Variants in GKAP1 observed in about 807,000 individuals in gnomAD.
The protein encoded by GKAP1 is G kinase anchoring protein 1.
In GKAP1, 31 loss-of-function variants were observed where a neutral mutation model predicts 56.7. That is an observed-to-expected ratio of 0.55 (90% CI 0.41 to 0.74). The LOEUF (loss-of-function observed/expected upper bound fraction) is 0.74, where lower values mean the gene tolerates loss of function less well. Among genes scored for constraint, GKAP1 ranks in the 30% least tolerant of loss-of-function variants. The probability of loss-of-function intolerance (pLI) is 0.00; values close to 1 mark genes in which losing one functional copy is unlikely to be tolerated. For missense variants in GKAP1, 364 were observed against 402.3 expected, an observed-to-expected ratio of 0.90 and a Z score of 0.82; for synonymous variants, 151 against 138.6, an observed-to-expected ratio of 1.09 and a Z score of -0.63.
intron 6 of GKAP1, 149 bp from the exon 7 acceptor site, chr9:83,780,553 C>T (rs1176051622): frequency 2.0e-6 from 1 of 493,438 alleles, no homozygotes; most frequent in Admixed American, 4.2e-5. Context: ...CTAGGATTCT[C>T]ATCTGATTTA....
intron 8 of GKAP1, among the ~76,000 whole-genome samples, chr9:83,760,809 C>G (rs1325835156): frequency 4.6e-5 from 7 of 151,942 alleles, no homozygotes; most frequent in African/African-American, 1.4e-4. Flanking sequence ...TGAAAAATTT[C>G]TTGAAACAAA....
chr9:83,798,740 T>A (rs1375012619), intron 4 of GKAP1, among the ~76,000 whole-genome samples: 1 of 152,078 alleles, frequency 6.6e-6, no homozygotes, highest in Non-Finnish European at 1.5e-5. Flanking sequence ...GGTCTCAAAC[T>A]CCTAGGCTCA....
At chr9:83,816,771 T>G (rs1944608856) in intron 2 of GKAP1, among the ~76,000 whole-genome samples, 1 of 152,208 alleles carries the variant, frequency 6.6e-6, no homozygotes, top group African/African-American at 2.4e-5. Context: ...CTGAAAAATC[T>G]GGCGAAGGTA....
At chr9:83,754,716 TGATCCTG>T (rs1943445983) in intron 8 of GKAP1, among the ~76,000 whole-genome samples, 1 of 152,234 alleles carries the variant, frequency 6.6e-6, no homozygotes, top group Non-Finnish European at 1.5e-5. Flanking sequence ...AGTAGAGAAC[TGATCCTG>T]GAGGGCCTTG....
chr9:83,788,522 T>C (rs1277818202), intron 5 of GKAP1, 79 bp downstream of exon 5: 2 of 767,902 alleles, frequency 2.6e-6, no homozygotes, highest in African/African-American at 3.5e-5. Flanking sequence ...AAAAATTTTA[T>C]GTAAAATTCA....
chr9:83,758,014 G>A (rs184565813), intron 8 of GKAP1, among the ~76,000 whole-genome samples: 253 of 152,222 alleles, frequency 1.7e-3, no homozygotes, highest in African/African-American at 5.8e-3. Context: ...TATGCCGCAA[G>A]GGTAATTAAT....
At chr9:83,795,808 C>T (rs1165750671) in intron 4 of GKAP1, among the ~76,000 whole-genome samples, 3 of 151,936 alleles carry the variant, frequency 2.0e-5, no homozygotes, top group South Asian at 4.1e-4. Context: ...CCTACCTTGG[C>T]CTCCTAAAGT....
intron 3 of GKAP1, among the ~76,000 whole-genome samples, chr9:83,804,211 C>T (rs1352253500): frequency 3.4e-5 from 5 of 145,050 alleles, no homozygotes; most frequent in Middle Eastern, 4.0e-3. Flanking sequence ...AGTGAGGAGC[C>T]CCTCTGCCGG....
intron 2 of GKAP1, among the ~76,000 whole-genome samples, chr9:83,812,952 A>T (rs1944532861): frequency 6.6e-6 from 1 of 152,238 alleles, no homozygotes; most frequent in Non-Finnish European, 1.5e-5. Flanking sequence ...TAGTCATGTT[A>T]TGCAATCCAG....
At chr9:83,792,321 C>T (rs1215779117) in intron 4 of GKAP1, among the ~76,000 whole-genome samples, 1 of 152,136 alleles carries the variant, frequency 6.6e-6, no homozygotes, top group Admixed American at 6.5e-5. Context: ...AGGTTCCAGA[C>T]ACTTCCTAAA....
chr9:83,769,081 T>C lies in GKAP1; in HGVS notation c.586-111A>G, dbSNP rs1259518237. On this transcript the variant is annotated intron_variant, in intron 7 of 12. Transcript: ENST00000376371. ...GCATTTAGTACACCTAGTCAACCAC[T>C]AGAAGGATAAAAAAAGAAAGAAAAA... 2.7e-5 allele frequency: 19 copies of C among 714,146 alleles called. No homozygotes were observed. In the East Asian group the frequency reaches 5.1e-4, roughly 19 times the overall value. 44.2% of individuals were successfully genotyped at this position (714,146 alleles called of 1,614,324 possible).
intron 7 of GKAP1, among the ~76,000 whole-genome samples, chr9:83,769,346 A>C (rs934367101): frequency 6.6e-5 from 10 of 152,172 alleles, no homozygotes; most frequent in Non-Finnish European, 1.5e-4. Flanking sequence ...TAACAATTCC[A>C]TCACCCCAAA....
At chr9:83,814,184 G>A (rs1395155809) in intron 2 of GKAP1, among the ~76,000 whole-genome samples, 3 of 152,010 alleles carry the variant, frequency 2.0e-5, no homozygotes, top group Non-Finnish European at 4.4e-5. Context: ...TACCCAAAAA[G>A]CCAATTATTT....
chr9:83,764,938 G>C (rs528273402), intron 8 of GKAP1, among the ~76,000 whole-genome samples: 1 of 152,288 alleles, frequency 6.6e-6, no homozygotes, highest in South Asian at 2.1e-4. Context: ...CCATTTTCTG[G>C]GTAGAAATTC....
chr9:83,739,704 C>T lies in GKAP1; in HGVS notation c.1094G>A (p.Cys365Tyr). The part of the protein sequence containing the change: ...KGKRNSESDQ[C>Y]R Reference sequence around the variant, plus strand: ...CTTCAAAGGCTAATGTAATCACCTACACTGGTCGGATTCAGAGTTTCTTTT... The same window carrying T: ...CTTCAAAGGCTAATGTAATCACCTATACTGGTCGGATTCAGAGTTTCTTTT... Residue 365 changes from cysteine (C) to tyrosine (Y), a missense_variant, in exon 13 of 13, where the codon TGT becomes TAT. Cys to Tyr is a radical substitution (Grantham distance 194, BLOSUM62 -2). Coordinates refer to ENST00000376371, the MANE Select transcript of GKAP1 (RefSeq NM_025211.4). The T allele has an allele frequency of 3.7e-6, 6 of 1,609,020 alleles. No individual in the cohort carries two copies. Among genetic ancestry groups the T allele is most frequent in the Non-Finnish European group, 5.1e-6 (6 of 1,178,120 alleles).
At chr9:83,803,978 A>G (rs1187825904) in intron 3 of GKAP1, among the ~76,000 whole-genome samples, 9 of 135,900 alleles carry the variant, frequency 6.6e-5, no homozygotes, top group African/African-American at 2.6e-4. Flanking sequence ...GTCTCTGCCC[A>G]GCCGCCCCGT....
At chr9:83,767,454 G>C (rs1341492556) in intron 8 of GKAP1, among the ~76,000 whole-genome samples, 1 of 151,284 alleles carries the variant, frequency 6.6e-6, no homozygotes, top group African/African-American at 2.4e-5. Context: ...CTGACTCCTG[G>C]GTTCAAGTGA....
intron 4 of GKAP1, 106 bp downstream of exon 4, chr9:83,799,079 A>G: frequency 4.4e-6 from 4 of 913,538 alleles, no homozygotes; most frequent in Non-Finnish European, 6.8e-6. Context: ...TTAATCCAAT[A>G]CAAATTGCTT....
intron 2 of GKAP1, among the ~76,000 whole-genome samples, chr9:83,808,216 C>A (rs1316273627): frequency 6.6e-6 from 1 of 152,108 alleles, no homozygotes; most frequent in African/African-American, 2.4e-5. Flanking sequence ...TTACTACAAA[C>A]AAGAAAATGT....
Sources: gnomAD v4.1 joint callset for allele counts (sites outside exome capture counted in the v4.1 genomes callset) on GRCh38, gnomAD v4.1.1 for gene constraint, MANE v1.5 for transcripts, NCBI Gene and HGNC (gene_info 2026-07-23, HGNC 2026-07-21) for gene names.